RANBP2: variants seen among roughly 807,000 people sequenced by gnomAD.
RANBP2 encodes the protein E3 SUMO-protein ligase RanBP2.
In RANBP2, 57 loss-of-function variants were observed where a neutral mutation model predicts 303.6. The observed-to-expected ratio is 0.19, with a 90% CI of 0.15 to 0.23. The LOEUF (loss-of-function observed/expected upper bound fraction) is 0.23, where lower values mean the gene tolerates loss of function less well. RANBP2 is among the 10% of genes least tolerant of loss of function. RANBP2 has a pLI of 1.00. For missense variants in RANBP2, 3,138 were observed against 3,780.8 expected, an observed-to-expected ratio of 0.83 and a Z score of 4.46; for synonymous variants, 1,167 against 1,301.5, an observed-to-expected ratio of 0.90 and a Z score of 2.23.
the RANBP2 span, among the ~76,000 whole-genome samples, chr2:109,298,381 G>GCA: frequency 6.6e-6 from 1 of 152,104 alleles, no homozygotes; most frequent in African/African-American, 2.4e-5. Flanking sequence ...TGGGGTAGAA[G>GCA]CACCTCAGAG....
chr2:109,160,184 C>T, the RANBP2 span, among the ~76,000 whole-genome samples: 1 of 152,120 alleles, frequency 6.6e-6, no homozygotes, highest in Non-Finnish European at 1.5e-5. Flanking sequence ...TCACTCTCTG[C>T]CCTCAGGAAG....
At chr2:109,342,909 TC>T in the RANBP2 span, among the ~76,000 whole-genome samples, 5 of 152,250 alleles carry the variant, frequency 3.3e-5, no homozygotes, top group Non-Finnish European at 7.3e-5. Context: ...ATGTTAATTG[TC>T]CTGTAGGCAT....
chr2:109,761,057 G>A, the RANBP2 span, among the ~76,000 whole-genome samples: 1 of 140,618 alleles, frequency 7.1e-6, no homozygotes, highest in East Asian at 2.3e-4. Context: ...CCGTGGGGAG[G>A]AAAAGAAGCG....
At chr2:109,317,756 T>A in the RANBP2 span, among the ~76,000 whole-genome samples, 1 of 152,192 alleles carries the variant, frequency 6.6e-6, no homozygotes, top group Non-Finnish European at 1.5e-5. Context: ...TGAACAGGCT[T>A]CTGCTCGTGA....
At chr2:108,917,367 CA>C in the RANBP2 span, among the ~76,000 whole-genome samples, 3 of 152,016 alleles carry the variant, frequency 2.0e-5, no homozygotes, top group Non-Finnish European at 2.9e-5. Flanking sequence ...CTACAGCGGA[CA>C]ATAATGCATT....
At chr2:108,807,706 C>G in the RANBP2 span, among the ~76,000 whole-genome samples, 3 of 152,148 alleles carry the variant, frequency 2.0e-5, no homozygotes, top group African/African-American at 7.2e-5. Flanking sequence ...CAACCTCTGC[C>G]TTCTGGACTC....
At chr2:109,723,658 G>A in the RANBP2 span, among the ~76,000 whole-genome samples, 5 of 152,044 alleles carry the variant, frequency 3.3e-5, no homozygotes, top group Non-Finnish European at 7.4e-5. Flanking sequence ...GTAGACTCTG[G>A]ACATTAGACC....
chr2:109,375,705 G>C, the RANBP2 span, among the ~76,000 whole-genome samples: 2,949 of 152,354 alleles, frequency 0.019, 96 homozygotes, highest in African/African-American at 0.061. Flanking sequence ...TGCCCTCTCT[G>C]TGGCATGAGT....
chr2:109,314,078 G>A, the RANBP2 span, among the ~76,000 whole-genome samples: 1 of 152,184 alleles, frequency 6.6e-6, no homozygotes, highest in Admixed American at 6.5e-5. Context: ...CGTGAGACCC[G>A]GGGCAAGTGT....
chr2:109,382,365 C>T, the RANBP2 span, among the ~76,000 whole-genome samples: 2 of 142,202 alleles, frequency 1.4e-5, no homozygotes, highest in African/African-American at 4.9e-5. Flanking sequence ...GGGGCTGACT[C>T]AGCCTGGGGC....
At chr2:109,674,410 C>CAAAAAAAA in the RANBP2 span, among the ~76,000 whole-genome samples, 1 of 75,300 alleles carries the variant, frequency 1.3e-5, no homozygotes, top group Non-Finnish European at 2.4e-5. Context: ...CTTGTGTCTC[C>CAAAAAAAA]AAAAAAAAAA....
chr2:109,645,382 G>A, the RANBP2 span, among the ~76,000 whole-genome samples: 3 of 152,240 alleles, frequency 2.0e-5, no homozygotes, highest in Non-Finnish European at 4.4e-5. Flanking sequence ...AATCCCTGAT[G>A]AGAGATGCCT....
chr2:108,749,513 G>C (rs1675679567), intron 9 of RANBP2, among the ~76,000 whole-genome samples: 1 of 151,934 alleles, frequency 6.6e-6, no homozygotes, highest in Non-Finnish European at 1.5e-5. Context: ...GGTCAGGCTG[G>C]TCTCAAACTC....
chr2:108,884,709 C>T, the RANBP2 span: 2 of 152,162 alleles, frequency 1.3e-5, no homozygotes, highest in Non-Finnish European at 2.9e-5. Flanking sequence ...GAGATTGTGT[C>T]CTCCCGGATA....
At chr2:109,046,908 G>A in the RANBP2 span, among the ~76,000 whole-genome samples, 1,978 of 152,040 alleles carry the variant, frequency 0.013, 50 homozygotes, top group African/African-American at 0.046. Flanking sequence ...AACCCCTGCC[G>A]GCTGGGGAGA....
At chr2:109,098,819 C>T in the RANBP2 span, among the ~76,000 whole-genome samples, 1 of 152,180 alleles carries the variant, frequency 6.6e-6, no homozygotes, top group Non-Finnish European at 1.5e-5. Context: ...GTCTGTCTGT[C>T]CTGGGAAGTG....
At chr2:109,220,542 T>C in the RANBP2 span, among the ~76,000 whole-genome samples, 4 of 152,192 alleles carry the variant, frequency 2.6e-5, no homozygotes, top group East Asian at 7.7e-4. Flanking sequence ...AAATAATGAA[T>C]ATCTGGAATA....
chr2:109,335,818 A>G, the RANBP2 span, among the ~76,000 whole-genome samples: 2 of 152,248 alleles, frequency 1.3e-5, no homozygotes, highest in East Asian at 3.8e-4. Flanking sequence ...ACGCGGCTGT[A>G]GAGAGGATAA....
the RANBP2 span, among the ~76,000 whole-genome samples, chr2:108,874,733 A>G: frequency 2.6e-5 from 4 of 152,138 alleles, no homozygotes; most frequent in Non-Finnish European, 5.9e-5. Flanking sequence ...TTATAACCTT[A>G]TAATTTGACT....
Sources: gnomAD v4.1 joint callset for allele counts (sites outside exome capture counted in the v4.1 genomes callset) on GRCh38, gnomAD v4.1.1 for gene constraint, MANE v1.5 for transcripts, NCBI Gene and HGNC (gene_info 2026-07-23, HGNC 2026-07-21) for gene names.